Variants in SHISA9 observed in about 807,000 individuals in gnomAD.
SHISA9 encodes shisa family member 9.
A neutral mutation model predicts 38.0 loss-of-function variants in SHISA9; 13 were observed. The ratio of observed to expected loss-of-function variants is 0.34; its 90% confidence interval spans 0.22 to 0.54. SHISA9 has a LOEUF of 0.54. SHISA9 is among the 20% of genes least tolerant of loss of function. The probability of loss-of-function intolerance (pLI) is 0.91; values close to 1 mark genes in which losing one functional copy is unlikely to be tolerated. For missense variants in SHISA9, 538 were observed against 575.8 expected, an observed-to-expected ratio of 0.93 and a Z score of 0.67; for synonymous variants, 275 against 242.0, an observed-to-expected ratio of 1.14 and a Z score of -1.27.
At chr16:13,287,630 A>T in the SHISA9 span, among the ~76,000 whole-genome samples, 2 of 152,174 alleles carry the variant, frequency 1.3e-5, no homozygotes, top group Non-Finnish European at 2.9e-5. Flanking sequence ...GGATAGTGGG[A>T]GTCAGACCCT....
At chr16:13,447,882 T>C in the SHISA9 span, among the ~76,000 whole-genome samples, 65,168 of 152,088 alleles carry the variant, frequency 0.43, 14,296 homozygotes, top group African/African-American at 0.44. Context: ...ACAAAAATTA[T>C]TGCATGCCCT....
At chr16:13,087,059 C>T (rs538775716) in intron 2 of SHISA9, among the ~76,000 whole-genome samples, 294 of 140,316 alleles carry the variant, frequency 2.1e-3, no homozygotes, top group Middle Eastern at 7.5e-3. Context: ...TGAGAACATG[C>T]GGTGTTTGGT....
At chr16:13,312,263 C>G in the SHISA9 span, among the ~76,000 whole-genome samples, 1 of 152,196 alleles carries the variant, frequency 6.6e-6, no homozygotes, top group African/African-American at 2.4e-5. Flanking sequence ...TTCAATAAAA[C>G]TTTATTTACA....
At chr16:12,933,071 C>G (rs991666932) in intron 2 of SHISA9, among the ~76,000 whole-genome samples, 1 of 152,092 alleles carries the variant, frequency 6.6e-6, no homozygotes, top group African/African-American at 2.4e-5. Context: ...GCCTCAAATA[C>G]GTAGTGCCTA....
chr16:13,428,789 G>A, the SHISA9 span, among the ~76,000 whole-genome samples: 1 of 110,696 alleles, frequency 9.0e-6, no homozygotes, highest in African/African-American at 3.7e-5. Context: ...TTTTTTTTGA[G>A]TCAGAGTCTC....
At chr16:13,231,322 T>A (rs1300637941) in intron 4 of SHISA9, among the ~76,000 whole-genome samples, 1 of 152,224 alleles carries the variant, frequency 6.6e-6, no homozygotes, top group South Asian at 2.1e-4. Context: ...TGCTGTTGAA[T>A]CCAGGAGGTA....
At chr16:13,357,550 C>G in the SHISA9 span, among the ~76,000 whole-genome samples, 1 of 152,226 alleles carries the variant, frequency 6.6e-6, no homozygotes, top group Middle Eastern at 3.4e-3. Flanking sequence ...AGGGAGGTCC[C>G]CCGATCCGAG....
chr16:13,538,604 T>G, the SHISA9 span, among the ~76,000 whole-genome samples: 2 of 152,192 alleles, frequency 1.3e-5, no homozygotes, highest in Admixed American at 6.5e-5. Context: ...TGGACTGAAG[T>G]GTTGGTGAGG....
the SHISA9 span, among the ~76,000 whole-genome samples, chr16:13,438,219 C>G: frequency 6.6e-6 from 1 of 152,126 alleles, no homozygotes; most frequent in Non-Finnish European, 1.5e-5. Flanking sequence ...AAGGCATTCA[C>G]CTTGTGTGAC....
intron 2 of SHISA9, among the ~76,000 whole-genome samples, chr16:13,005,808 A>G (rs1461750330): frequency 6.6e-6 from 1 of 152,170 alleles, no homozygotes; most frequent in Non-Finnish European, 1.5e-5. Context: ...GTAAAGAGAG[A>G]TGTTCACAAC....
chr16:13,491,817 CCTTTTTTTTTTTTTTTTTTTTTTTT>C, the SHISA9 span, among the ~76,000 whole-genome samples: 36 of 46,926 alleles, frequency 7.7e-4, 3 homozygotes, highest in East Asian at 0.019. Context: ...TATTTATTGA[CCTTTTTTTTTTTTTTTTTTTTTTTT>C]TTTTTTTTTT....
chr16:13,101,084 C>G (rs2073874644), intron 2 of SHISA9, among the ~76,000 whole-genome samples: 1 of 152,134 alleles, frequency 6.6e-6, no homozygotes, highest in Non-Finnish European at 1.5e-5. Context: ...TAGTATCACG[C>G]CTTTCAGGTG....
At chr16:13,006,179 A>G (rs1447348746) in intron 2 of SHISA9, among the ~76,000 whole-genome samples, 1 of 152,192 alleles carries the variant, frequency 6.6e-6, no homozygotes, top group African/African-American at 2.4e-5. Context: ...GATTTGAAGG[A>G]GAGAAAAATA....
chr16:13,252,530 C>T, the SHISA9 span, among the ~76,000 whole-genome samples: 1 of 152,176 alleles, frequency 6.6e-6, no homozygotes, highest in South Asian at 2.1e-4. Context: ...GTCTTCCTCC[C>T]CTGGCTCACC....
intron 2 of SHISA9, among the ~76,000 whole-genome samples, chr16:13,085,462 A>G (rs2073700172): frequency 6.6e-6 from 1 of 152,224 alleles, no homozygotes; most frequent in African/African-American, 2.4e-5. Flanking sequence ...CCAGTGTGAA[A>G]TGTACAGCTG....
chr16:13,014,300 G>A lies in SHISA9; in HGVS notation c.691+97485G>A, dbSNP rs547073647. 2.6e-5 allele frequency among the ~76,000 whole-genome samples: 4 copies of A among 152,312 alleles called. No homozygotes were observed. In the East Asian group the frequency reaches 7.7e-4, roughly 29 times the overall value. Reference sequence around the variant, plus strand: ...GGGATTCTCAGCTTCAGGACTCACTGGAGTGTTTAACAGGTTAACGTGAGT... The same window carrying A: ...GGGATTCTCAGCTTCAGGACTCACTAGAGTGTTTAACAGGTTAACGTGAGT... On this transcript the variant is annotated intron_variant, in intron 2 of 4. Coordinates refer to ENST00000558583, the MANE Select transcript of SHISA9 (RefSeq NM_001145204.3).
chr16:13,216,198 A>G (rs2051166731), intron 4 of SHISA9, among the ~76,000 whole-genome samples: 1 of 142,076 alleles, frequency 7.0e-6, no homozygotes, highest in African/African-American at 2.7e-5. Flanking sequence ...AAAAAAAAAA[A>G]AAAAAAAAGA....
chr16:12,936,964 C>T (rs1296246389), intron 2 of SHISA9, among the ~76,000 whole-genome samples: 2 of 152,158 alleles, frequency 1.3e-5, no homozygotes, highest in African/African-American at 4.8e-5. Flanking sequence ...GTTCCTTACT[C>T]CAACACTGTC....
intron 2 of SHISA9, among the ~76,000 whole-genome samples, chr16:12,917,453 A>G (rs926783136): frequency 1.9e-4 from 29 of 149,666 alleles, no homozygotes; most frequent in Non-Finnish European, 3.6e-4. Context: ...CTGCCAGGGG[A>G]AAAAAAAAAC....
Sources: gnomAD v4.1 joint callset for allele counts (sites outside exome capture counted in the v4.1 genomes callset) on GRCh38, gnomAD v4.1.1 for gene constraint, MANE v1.5 for transcripts, NCBI Gene and HGNC (gene_info 2026-07-23, HGNC 2026-07-21) for gene names.